The following SAMD4A variants were observed in gnomAD, a reference collection of about 807,000 sequenced individuals.
SAMD4A encodes the protein sterile alpha motif domain containing 4A, also known as protein Smaug homolog 1.
SAMD4A carries 33 observed loss-of-function variants against 81.3 expected under a neutral mutation model. That is an observed-to-expected ratio of 0.41 (90% CI 0.31 to 0.54). The LOEUF (loss-of-function observed/expected upper bound fraction) is 0.54, where lower values mean the gene tolerates loss of function less well. SAMD4A is among the 20% of genes least tolerant of loss of function. The pLI, the probability that SAMD4A is intolerant of heterozygous loss-of-function variation, is 0.37. For missense variants in SAMD4A, 854 were observed against 951.1 expected (o/e 0.90, Z 1.34); for synonymous variants, 389 against 382.1 (o/e 1.02, Z -0.21).
At chr14:54,591,180 C>T (rs542442033) in intron 2 of SAMD4A, among the ~76,000 whole-genome samples, 30 of 152,256 alleles carry the variant, frequency 2.0e-4, no homozygotes, top group African/African-American at 7.2e-4. Context: ...GCTGTCCTGC[C>T]CAGAATGATG....
At chr14:54,749,437 G>T (rs1470370725) in intron 5 of SAMD4A, among the ~76,000 whole-genome samples, 1 of 152,062 alleles carries the variant, frequency 6.6e-6, no homozygotes, top group Admixed American at 6.6e-5. Context: ...CCTCAGACCC[G>T]CCCCAACATT....
intron 2 of SAMD4A, among the ~76,000 whole-genome samples, chr14:54,700,172 A>G (rs2036677237): frequency 6.6e-6 from 1 of 152,202 alleles, no homozygotes; most frequent in Non-Finnish European, 1.5e-5. Flanking sequence ...AGCTGAAGGA[A>G]TTACCTCCAT....
chr14:54,678,433 T>TGTGTGTGTGTG (rs2036040355), intron 2 of SAMD4A, among the ~76,000 whole-genome samples: 10 of 81,278 alleles, frequency 1.2e-4, no homozygotes, highest in East Asian at 4.8e-4. Flanking sequence ...CAGTCACCAT[T>TGTGTGTGTGTG]TGTGTGTGTG....
intron 3 of SAMD4A, 60 bp downstream of exon 3, chr14:54,702,640 A>G (rs1319939088): frequency 3.2e-6 from 5 of 1,565,234 alleles, no homozygotes; most frequent in African/African-American, 1.3e-5. Flanking sequence ...TGTATGTGGC[A>G]TGTCCTGCTG....
At chr14:54,621,719 T>C (rs1330960945) in intron 2 of SAMD4A, among the ~76,000 whole-genome samples, 1 of 152,176 alleles carries the variant, frequency 6.6e-6, no homozygotes, top group East Asian at 1.9e-4. Context: ...ATTCTTTCTT[T>C]ACTGGTCTCC....
At chr14:54,571,724 A>ACT (rs1234076137) in intron 2 of SAMD4A, among the ~76,000 whole-genome samples, 2 of 151,898 alleles carry the variant, frequency 1.3e-5, no homozygotes, top group Non-Finnish European at 2.9e-5. Flanking sequence ...GAGCTTGAAG[A>ACT]CTCTCTCTCA....
At chr14:54,782,047 C>T (rs1194758746) in intron 11 of SAMD4A, among the ~76,000 whole-genome samples, 3 of 152,142 alleles carry the variant, frequency 2.0e-5, no homozygotes, top group Non-Finnish European at 2.9e-5. Context: ...GGAGAAGAAG[C>T]GAACACCCCC....
chr14:54,768,344 C>G (rs554421018), intron 8 of SAMD4A, among the ~76,000 whole-genome samples: 5 of 152,332 alleles, frequency 3.3e-5, no homozygotes, highest in African/African-American at 1.2e-4. Flanking sequence ...TCCAGGTATT[C>G]TAAGTGTTGT....
chr14:54,568,932 G>A (rs2033046765), intron 2 of SAMD4A, among the ~76,000 whole-genome samples: 1 of 151,844 alleles, frequency 6.6e-6, no homozygotes, highest in Admixed American at 6.6e-5. Flanking sequence ...AGTATGGAAA[G>A]TGAATATAGT....
In SAMD4A at chr14:54,760,481, C is replaced by T. The variant is rs567682083; in HGVS notation, c.1497C>T (p.Arg499=). 3.1e-5 allele frequency: 43 copies of T among 1,400,470 alleles called. No homozygotes were observed. In the East Asian group the frequency reaches 3.5e-4, roughly 11 times the overall value. The allele number at this position is 1,400,470 out of a possible 1,614,324, so 86.8% of individuals were successfully genotyped here. A position where few individuals can be genotyped will look rare whatever the true frequency, so the allele number is the denominator to read the frequency against. The change falls in exon 7 of 13, where the codon CGC becomes CGT. Residue 499 remains arginine, a synonymous_variant. Transcript: ENST00000554335. ...PEGDLPGQFT[R]VMGKVCTQLL... ...GGGACCTCCCCGGGCAGTTCACACG[C>T]GTCATGGGGAAAGGTAGAGCCTCAT...
intron 7 of SAMD4A, among the ~76,000 whole-genome samples, chr14:54,762,368 A>C (rs1482308313): frequency 6.6e-6 from 1 of 152,252 alleles, no homozygotes; most frequent in African/African-American, 2.4e-5. Context: ...CCAAGTTTGC[A>C]GTAAGAACAA....
At position 54,702,378 on chromosome 14, in the gene SAMD4A, T is replaced by G; in HGVS notation, c.513T>G (p.Tyr171Ter). The change falls in exon 3 of 13, where the codon TAT becomes TAG. Residue 171 changes from tyrosine (Y) to a stop codon, truncating the protein, a stop_gained. Coordinates refer to ENST00000554335, the MANE Select transcript of SAMD4A (RefSeq NM_015589.6). LOFTEE classifies it high-confidence loss of function. ...GAGGCCGCTCAGACTCTGTGGATTA[T>G]GGACAGACACACTACTATCACCAAA... Reference protein sequence around the residue: ...QNRGRSDSVDYGQTHYYHQRQ... With the variant: ...QNRGRSDSVD The G allele has an allele frequency of 6.2e-7, 1 of 1,614,176 alleles. No homozygotes were observed. Among genetic ancestry groups the G allele is most frequent in the Non-Finnish European group, 8.5e-7 (1 of 1,180,012 alleles).
chr14:54,698,116 C>T (rs541349674), intron 2 of SAMD4A, among the ~76,000 whole-genome samples: 1 of 152,338 alleles, frequency 6.6e-6, no homozygotes, highest in Admixed American at 6.5e-5. Context: ...TAGGCTCCAC[C>T]TTTCAAAGAG....
At chr14:54,592,118 C>T (rs994378788) in intron 2 of SAMD4A, among the ~76,000 whole-genome samples, 5 of 152,084 alleles carry the variant, frequency 3.3e-5, no homozygotes, top group Non-Finnish European at 7.4e-5. Flanking sequence ...TGAGCGAGGT[C>T]ATCGTTTATT....
chr14:54,739,696 C>G (rs1220656867), intron 4 of SAMD4A, among the ~76,000 whole-genome samples: 1 of 152,178 alleles, frequency 6.6e-6, no homozygotes, highest in Non-Finnish European at 1.5e-5. Context: ...ATGTCCCTCC[C>G]CAGCCTTGCT....
chr14:54,671,360 T>C (rs2035876859), intron 2 of SAMD4A, among the ~76,000 whole-genome samples: 1 of 152,192 alleles, frequency 6.6e-6, no homozygotes, highest in Non-Finnish European at 1.5e-5. Context: ...TGCTTCCTCA[T>C]CTTTGAAATC....
Position 54,782,861 on chromosome 14 carries a change from T to A in SAMD4A, c.2045-1676T>A, listed in dbSNP as rs533832516. 2.0e-5 allele frequency among the ~76,000 whole-genome samples: 3 copies of A among 152,348 alleles called. No homozygotes were observed. The South Asian group carries it at 6.2e-4, about 32-fold the overall frequency. On this transcript the variant is annotated intron_variant, in intron 11 of 12. Coordinates refer to ENST00000554335, the MANE Select transcript of SAMD4A (RefSeq NM_015589.6). Reference sequence around the variant, plus strand: ...TTCCTATCCCACCAAGCCACCAACTTCGTTTCACTTCTCTTTCTTCTCTCT... The same window carrying A: ...TTCCTATCCCACCAAGCCACCAACTACGTTTCACTTCTCTTTCTTCTCTCT...
chr14:54,608,003 A>G (rs970625102), intron 2 of SAMD4A, among the ~76,000 whole-genome samples: 37 of 147,122 alleles, frequency 2.5e-4, no homozygotes, highest in Non-Finnish European at 4.5e-4. Flanking sequence ...GTGACAGAGC[A>G]AGACTCCGTC....
At chr14:54,742,764 A>G in intron 4 of SAMD4A, among the ~76,000 whole-genome samples, 1 of 151,752 alleles carries the variant, frequency 6.6e-6, no homozygotes, top group East Asian at 1.9e-4. Flanking sequence ...ATTGAAACTG[A>G]TGTATTATTT....
Sources: allele counts gnomAD v4.1 joint callset (sites outside exome capture counted in the v4.1 genomes callset), GRCh38; gene constraint gnomAD v4.1.1; transcripts MANE v1.5; gene names NCBI Gene and HGNC (gene_info 2026-07-23, HGNC 2026-07-21).